The following SH3RF1 variants were observed in gnomAD, a reference collection of about 807,000 sequenced individuals.
SH3RF1 encodes E3 ubiquitin-protein ligase SH3RF1.
A neutral mutation model predicts 74.0 loss-of-function variants in SH3RF1; 32 were observed. The ratio of observed to expected loss-of-function variants is 0.43; its 90% CI spans 0.33 to 0.58. The LOEUF (loss-of-function observed/expected upper bound fraction) is 0.58, where lower values mean the gene tolerates loss of function less well. Ranked by LOEUF, SH3RF1 falls within the 20% of genes least tolerant of loss-of-function variation. The pLI, the probability that SH3RF1 is intolerant of heterozygous loss-of-function variation, is 0.05. For missense variants in SH3RF1, 954 were observed against 1,130.9 expected, an observed-to-expected ratio of 0.84 and a Z score of 2.24; for synonymous variants, 396 against 439.6, an observed-to-expected ratio of 0.90 and a Z score of 1.24.
chr4:169,104,574 T>G (rs916462709), intron 11 of SH3RF1, among the ~76,000 whole-genome samples: 1 of 152,174 alleles, frequency 6.6e-6, no homozygotes, highest in Non-Finnish European at 1.5e-5. Context: ...GTTAGAACTA[T>G]AGAAAATTAT....
intron 2 of SH3RF1, among the ~76,000 whole-genome samples, chr4:169,247,844 A>G (rs1468049991): frequency 6.7e-6 from 1 of 149,896 alleles, no homozygotes; most frequent in African/African-American, 2.5e-5. Flanking sequence ...ACATGAACAG[A>G]CACTGCTCAA....
intron 2 of SH3RF1, among the ~76,000 whole-genome samples, chr4:169,193,791 G>C (rs547831752): frequency 6.6e-5 from 10 of 152,224 alleles, no homozygotes; most frequent in Non-Finnish European, 1.5e-4. Context: ...TTAACACTCA[G>C]TGATGAAAAC....
intron 4 of SH3RF1, among the ~76,000 whole-genome samples, chr4:169,151,917 T>C (rs1733982702): frequency 6.6e-6 from 1 of 152,236 alleles, no homozygotes; most frequent in South Asian, 2.1e-4. Context: ...ATTTCATTCA[T>C]ATTTTTTGCT....
chr4:169,167,011 G>T, intron 2 of SH3RF1: 1 of 213,458 alleles, frequency 4.7e-6, no homozygotes, highest in Non-Finnish European at 9.2e-6. Context: ...AGAAAGCTGT[G>T]GACTCAAATT....
chr4:169,186,363 G>T (rs779439927), intron 2 of SH3RF1, among the ~76,000 whole-genome samples: 4 of 151,414 alleles, frequency 2.6e-5, no homozygotes, highest in Non-Finnish European at 5.9e-5. Flanking sequence ...AAAAAAAAAC[G>T]AATTTATTTG....
chr4:169,113,265 C>T (rs10030967), intron 10 of SH3RF1, among the ~76,000 whole-genome samples: 1,794 of 152,220 alleles, frequency 0.012, 42 homozygotes, highest in African/African-American at 0.041. Context: ...CATGTGCCAC[C>T]ACACCCAGCT....
At chr4:169,100,405 G>T (rs976680365) in intron 11 of SH3RF1, among the ~76,000 whole-genome samples, 2 of 151,930 alleles carry the variant, frequency 1.3e-5, no homozygotes, top group Non-Finnish European at 2.9e-5. Context: ...GCAATGGCAC[G>T]ATCTCAGCTC....
chr4:169,145,087 T>C (rs72706443), intron 4 of SH3RF1, among the ~76,000 whole-genome samples: 3,434 of 152,220 alleles, frequency 0.023, 63 homozygotes, highest in Non-Finnish European at 0.035. Context: ...ACTGGGTATA[T>C]ACCCAAAGGA....
At position 169,129,978 on chromosome 4, in the gene SH3RF1, T is replaced by G; in HGVS notation, c.1179+68A>C. ...AACATACGCTGCAGGTGTTAGGAGG[T>G]GGAGTGTGCCAGATTAACATGACTA... On this transcript the variant is annotated intron_variant, in intron 6 of 11. Coordinates refer to ENST00000284637, the MANE Select transcript of SH3RF1 (RefSeq NM_020870.4). 3 of 1,221,710 alleles carry G rather than the reference T, an allele frequency of 2.5e-6. No individual in the cohort carries two copies. The Admixed American group carries it at 5.8e-5, about 24-fold the overall frequency. The allele number at this position is 1,221,710 out of a possible 1,614,324, so 75.7% of individuals were successfully genotyped here.
At chr4:169,103,887 G>T (rs1173419589) in intron 11 of SH3RF1, among the ~76,000 whole-genome samples, 1 of 152,106 alleles carries the variant, frequency 6.6e-6, no homozygotes, top group South Asian at 2.1e-4. Flanking sequence ...AATTTAAATG[G>T]TTATACAAAA....
At chr4:169,235,232 G>A (rs965350511) in intron 2 of SH3RF1, among the ~76,000 whole-genome samples, 1 of 152,070 alleles carries the variant, frequency 6.6e-6, no homozygotes, top group African/African-American at 2.4e-5. Context: ...GTATCATCTA[G>A]CTTACATAAC....
At chr4:169,142,428 AT>A (rs1289563152) in intron 4 of SH3RF1, among the ~76,000 whole-genome samples, 1 of 152,124 alleles carries the variant, frequency 6.6e-6, no homozygotes, top group African/African-American at 2.4e-5. Flanking sequence ...TCATTCCACA[AT>A]TGTTTTAAAT....
In SH3RF1 at chr4:169,268,823, C is replaced by T. The variant is rs899395494; in HGVS notation, c.390G>A (p.Val130=). The T allele has an allele frequency of 1.1e-5, 18 of 1,590,280 alleles. No homozygotes were observed. Among genetic ancestry groups the T allele is most frequent in the Non-Finnish European group, 1.5e-5 (17 of 1,170,096 alleles). Residue 130 remains valine (V), a synonymous_variant, in exon 2 of 12, where the codon GTG becomes GTA. Coordinates refer to ENST00000284637, the MANE Select transcript of SH3RF1 (RefSeq NM_020870.4). ...ACTACCTCTGTAGGCTACTTACCCT[C>T]ACTGGGGGGCTCCAGGATTGCACCC... ...QPRVQSWSPP[V]RGIPQLPCAK... is the part of the protein sequence containing the mutation.
chr4:169,244,995 A>G (rs532449151), intron 2 of SH3RF1, among the ~76,000 whole-genome samples: 1 of 152,344 alleles, frequency 6.6e-6, no homozygotes, highest in Admixed American at 6.5e-5. Context: ...ATACTACAGT[A>G]CATATACTCG....
chr4:169,118,746 C>T (rs953541569), intron 8 of SH3RF1, among the ~76,000 whole-genome samples: 9 of 152,158 alleles, frequency 5.9e-5, no homozygotes, highest in African/African-American at 1.9e-4. Context: ...TTTGAGCCAA[C>T]GCGCCTAGCT....
At chr4:169,173,753 CT>C (rs1193069391) in intron 2 of SH3RF1, among the ~76,000 whole-genome samples, 4 of 151,024 alleles carry the variant, frequency 2.6e-5, no homozygotes, top group Admixed American at 6.6e-5. Context: ...TACAAGCTAC[CT>C]TTTTTTTTAA....
At position 169,135,027 on chromosome 4, in the gene SH3RF1, T is replaced by A. The variant is rs567347166; in HGVS notation, c.1068+1291A>T. On this transcript the variant is annotated intron_variant, in intron 5 of 11. Transcript: ENST00000284637. The stretch of plus-strand genomic sequence containing the variant: ...TTTAACTTGAAACACGCAGTATAAA[T>A]CTAAAGGAGCAGGGTCAAATAAATG... Among the ~76,000 whole-genome samples the A allele has an allele frequency of 3.9e-5, 6 of 152,200 alleles. No homozygotes were observed. In the East Asian group the frequency reaches 9.7e-4, roughly 25 times the overall value.
Position 169,096,441 on chromosome 4 carries a change from A to G in SH3RF1, c.*78T>C. 7 of 1,500,742 alleles carry G rather than the reference A, an allele frequency of 4.7e-6. No individual in the cohort carries two copies. The highest frequency in any genetic ancestry group is 5.4e-6 in the Non-Finnish European group (6 of 1,104,678). The allele number at this position is 1,500,742 out of a possible 1,614,324, so 93.0% of individuals were successfully genotyped here. ...TCTCCTGACCATCTGGAAGTCCACA[A>G]ATGTGCTCTTTCTGTTAAACTGCTT... On this transcript the variant is annotated 3_prime_UTR_variant, in exon 12 of 12. Transcript: ENST00000284637.
chr4:169,122,567 T>C lies in SH3RF1; in HGVS notation c.1180-301A>G, dbSNP rs529063385. Among the ~76,000 whole-genome samples the C allele has an allele frequency of 8.5e-5, 13 of 152,326 alleles. No homozygotes were observed. The South Asian group carries it at 2.3e-3, about 27-fold the overall frequency. On this transcript the variant is annotated intron_variant, in intron 6 of 11. Coordinates refer to ENST00000284637, the MANE Select transcript of SH3RF1 (RefSeq NM_020870.4). ...CAATTGCATGTAATCTTAAGATTAATAGCATTTTAAAGTATGGACTTGGAC... is the reference window on the plus strand; with the variant it reads ...CAATTGCATGTAATCTTAAGATTAACAGCATTTTAAAGTATGGACTTGGAC...
Sources: gnomAD v4.1 joint callset for allele counts (sites outside exome capture counted in the v4.1 genomes callset) on GRCh38, gnomAD v4.1.1 for gene constraint, MANE v1.5 for transcripts, NCBI Gene and HGNC (gene_info 2026-07-23, HGNC 2026-07-21) for gene names.